The following MAP2K5 variants were observed in gnomAD, a reference collection of about 807,000 sequenced individuals.
The protein encoded by MAP2K5 is dual specificity mitogen-activated protein kinase kinase 5.
MAP2K5 carries 49 observed loss-of-function variants against 83.1 expected under a neutral mutation model. The observed-to-expected ratio is 0.59, with a 90% CI of 0.47 to 0.75. The LOEUF (loss-of-function observed/expected upper bound fraction) is 0.75. Ranked by LOEUF, MAP2K5 falls within the 30% of genes least tolerant of loss-of-function variation. MAP2K5 has a pLI of 0.00. For missense variants in MAP2K5, 457 were observed against 557.5 expected (o/e 0.82, Z 1.82); for synonymous variants, 202 against 191.8 (o/e 1.05, Z -0.44).
At position 67,738,114 on chromosome 15, in the gene MAP2K5, A is replaced by T. The variant is rs2089385047; in HGVS notation, c.1075-10117A>T. On this transcript the variant is annotated intron_variant, in intron 17 of 21. Transcript: ENST00000178640. The surrounding 1 kb of genome is among the most constrained non-coding windows in gnomAD (Gnocchi z 4.1). ...TGACCTGCCTGCCTCAGCCTCCCAG[A>T]GTACTGGGATTACAGGCGTGAGCCA... 6.6e-6 allele frequency among the ~76,000 whole-genome samples: 1 copy of T among 152,136 alleles called. No homozygotes were observed. Among genetic ancestry groups the T allele is most frequent in the Admixed American group, 6.5e-5 (1 of 15,278 alleles).
chr15:67,579,231 A>G (rs757085022), intron 3 of MAP2K5, among the ~76,000 whole-genome samples: 2 of 152,080 alleles, frequency 1.3e-5, no homozygotes, highest in Non-Finnish European at 2.9e-5. Flanking sequence ...AGCCACTGGC[A>G]TCTTAATTTT....
intron 8 of MAP2K5, among the ~76,000 whole-genome samples, chr15:67,622,116 G>C (rs2086199757): frequency 7.3e-6 from 1 of 137,256 alleles, no homozygotes; most frequent in Non-Finnish European, 1.5e-5. Flanking sequence ...CTGCACTCCA[G>C]CCTGGGCAAC....
At chr15:67,595,707 T>A (rs576941932) in intron 7 of MAP2K5, among the ~76,000 whole-genome samples, 1 of 152,334 alleles carries the variant, frequency 6.6e-6, no homozygotes, top group East Asian at 1.9e-4. Flanking sequence ...CACTTTATGT[T>A]GGAGTAATTC....
chr15:67,747,084 G>T lies in MAP2K5; in HGVS notation c.1075-1147G>T, dbSNP rs1298632266. ...CTGGAAGGAAAGGAGCTCTGGAGGAGCCCCAGCACCACCACACCCTGGCGC... is the reference window on the plus strand; with the variant it reads ...CTGGAAGGAAAGGAGCTCTGGAGGATCCCCAGCACCACCACACCCTGGCGC... On this transcript the variant is annotated intron_variant, in intron 17 of 21. Coordinates refer to ENST00000178640, the MANE Select transcript of MAP2K5 (RefSeq NM_145160.3). This position sits in a 1 kb window ranked among gnomAD's most constrained non-coding sequence, Gnocchi z 4.1. 6.6e-6 allele frequency among the ~76,000 whole-genome samples: 1 copy of T among 152,198 alleles called. No homozygotes were observed. The highest frequency in any genetic ancestry group is 2.4e-5 in the African/African-American group (1 of 41,446).
chr15:67,628,478 T>C, intron 8 of MAP2K5: 1 of 601,964 alleles, frequency 1.7e-6, no homozygotes, highest in East Asian at 3.0e-5. Flanking sequence ...AGACTCCATC[T>C]AAAAAAAAAT....
chr15:67,601,049 C>T (rs796649714), intron 8 of MAP2K5, among the ~76,000 whole-genome samples: 3 of 152,104 alleles, frequency 2.0e-5, no homozygotes, highest in African/African-American at 7.2e-5. Context: ...CTTTTTAACA[C>T]TATTATTATT....
rs2090259592 is a variant in MAP2K5 at position 67,777,484 on chromosome 15, T to C, written c.1242+4732T>C. 6.6e-6 allele frequency among the ~76,000 whole-genome samples: 1 copy of C among 152,226 alleles called. No individual in the cohort carries two copies. The highest frequency in any genetic ancestry group is 1.5e-5 in the Non-Finnish European group (1 of 68,046). ...TCTAGGCCACTTTATTATCTCATGC[T>C]GATCTGATTCCCATTCTCCCCCTCC... is the stretch of plus-strand genomic sequence containing the variant. On this transcript the variant is annotated intron_variant, in intron 21 of 21. Transcript: ENST00000178640. The surrounding 1 kb of genome is among the most constrained non-coding windows in gnomAD (Gnocchi z 6.0).
At position 67,628,088 on chromosome 15, in the gene MAP2K5, C is replaced by T. The variant is rs115347790; in HGVS notation, c.546-2800C>T. ...TGAATGCAAGGCCACGCAAGGTGGA[C>T]GGAAGAGCTGTGGGAACAAAGAGAG... On this transcript the variant is annotated intron_variant, in intron 8 of 21. Transcript: ENST00000178640. 6.9e-3 allele frequency: 5,164 copies of T among 753,218 alleles called. 187 individuals are homozygous for T. The African/African-American group carries it at 0.079, about 12-fold the overall frequency. The allele number at this position is 753,218 out of a possible 1,614,324, so 46.7% of individuals were successfully genotyped here.
chr15:67,547,462 T>TC (rs957379053), intron 1 of MAP2K5, among the ~76,000 whole-genome samples: 4 of 149,946 alleles, frequency 2.7e-5, no homozygotes, highest in Non-Finnish European at 4.5e-5. Flanking sequence ...TTTCTTTTTT[T>TC]TTTTTTTTTT....
At chr15:67,766,226 T>A (rs2090038993) in intron 19 of MAP2K5, among the ~76,000 whole-genome samples, 1 of 152,204 alleles carries the variant, frequency 6.6e-6, no homozygotes, top group South Asian at 2.1e-4. Flanking sequence ...TAAAGTTGAT[T>A]TGAGACTAGA....
intron 3 of MAP2K5, among the ~76,000 whole-genome samples, chr15:67,564,546 T>C (rs1038374968): frequency 1.3e-5 from 2 of 152,190 alleles, no homozygotes; most frequent in African/African-American, 4.8e-5. Flanking sequence ...ACAAGAAGGA[T>C]AGGATGATTA....
At chr15:67,678,819 C>T (rs551827483) in intron 13 of MAP2K5, among the ~76,000 whole-genome samples, 6 of 152,068 alleles carry the variant, frequency 3.9e-5, no homozygotes, top group Non-Finnish European at 7.4e-5. Flanking sequence ...CAAAAATTAG[C>T]GGGGCATGGT....
intron 16 of MAP2K5, among the ~76,000 whole-genome samples, chr15:67,713,602 G>A (rs1199921336): frequency 6.6e-6 from 1 of 152,160 alleles, no homozygotes; most frequent in Non-Finnish European, 1.5e-5. Context: ...TGGGCATGGT[G>A]GCAGGCGCCT....
chr15:67,739,452 ATATATATATATTTTTTTTTTTTTTTTT>A (rs1397273821), intron 17 of MAP2K5, among the ~76,000 whole-genome samples: 12 of 17,928 alleles, frequency 6.7e-4, no homozygotes, highest in South Asian at 7.2e-3. Flanking sequence ...ATATATATAT[ATATATATATATTTTTTTTTTTTTTTTT>A]TTTTTTTTTT....
At chr15:67,600,006 G>C (rs1282243624) in intron 7 of MAP2K5, among the ~76,000 whole-genome samples, 2 of 152,000 alleles carry the variant, frequency 1.3e-5, no homozygotes, top group Admixed American at 6.6e-5. Context: ...TATATATAAA[G>C]TTACGAAAAT....
rs1352078185 is a variant in MAP2K5 at position 67,684,785 on chromosome 15, C to T, written c.848-7694C>T. ...ACAAACAAGTTGAACATTTATTTTT[C>T]AATTATGAAAAATATCTGAAATAAA... is the stretch of plus-strand genomic sequence containing the variant. On this transcript the variant is annotated intron_variant, in intron 13 of 21. Transcript: ENST00000178640. Among the ~76,000 whole-genome samples, 4 of 151,866 alleles carry T rather than the reference C, an allele frequency of 2.6e-5. No individual in the cohort carries two copies. The East Asian group carries it at 5.8e-4, about 22-fold the overall frequency.
At chr15:67,659,464 T>A (rs1187692731) in intron 12 of MAP2K5, 1 of 152,176 alleles carries the variant, frequency 6.6e-6, no homozygotes, top group African/African-American at 2.4e-5. Flanking sequence ...AATTCACAGC[T>A]TTCCTTTTTT....
At chr15:67,674,897 C>T (rs1279997118) in intron 13 of MAP2K5, among the ~76,000 whole-genome samples, 1 of 151,954 alleles carries the variant, frequency 6.6e-6, no homozygotes, top group African/African-American at 2.4e-5. Flanking sequence ...TTAAAACCAC[C>T]ATGAGATATT....
rs1370218669 is a variant in MAP2K5, at chr15:67,793,795, A to C, written c.1243-12851A>C. ...AAATGTCCAAGTTTGAAGCAATATG[A>C]TTATTTTGATCTTGAATCAGTAATT... On this transcript the variant is annotated intron_variant, in intron 21 of 21. Transcript: ENST00000178640. This position sits in a 1 kb window ranked among gnomAD's most constrained non-coding sequence, Gnocchi z 4.6. 6.6e-6 allele frequency among the ~76,000 whole-genome samples: 1 copy of C among 152,168 alleles called. No individual in the cohort carries two copies. The highest frequency in any genetic ancestry group is 1.5e-5 in the Non-Finnish European group (1 of 68,026).
Sources: gnomAD v4.1 joint callset for allele counts (sites outside exome capture counted in the v4.1 genomes callset) on GRCh38, gnomAD v4.1.1 for gene constraint, Gnocchi (gnomAD v3.1) non-coding constraint, MANE v1.5 for transcripts, NCBI Gene and HGNC (gene_info 2026-07-23, HGNC 2026-07-21) for gene names.